CLCA2: variants seen among roughly 807,000 people sequenced by gnomAD.
CLCA2 encodes the protein chloride channel accessory 2, also known as calcium-activated chloride channel regulator 2.
A neutral mutation model predicts 82.9 loss-of-function variants in CLCA2; 85 were observed. That is an observed-to-expected ratio of 1.03 (90% CI 0.86 to 1.23). The LOEUF (loss-of-function observed/expected upper bound fraction) is 1.23. CLCA2 is among the 50% of genes most tolerant of loss of function. The pLI is 0.00. For missense variants in CLCA2, 1,089 were observed against 1,124.8 expected (o/e 0.97, Z 0.45); for synonymous variants, 421 against 391.7 (o/e 1.07, Z -0.88).
intron 9 of CLCA2, among the ~76,000 whole-genome samples, chr1:86,442,980 A>C (rs12096784): frequency 0.093 from 14,209 of 152,252 alleles, 749 homozygotes; most frequent in Middle Eastern, 0.16. Context: ...TACTCTGTAC[A>C]TGTTACACAT....
At chr1:86,443,287 C>A (rs1344181042) in intron 9 of CLCA2, among the ~76,000 whole-genome samples, 1 of 152,158 alleles carries the variant, frequency 6.6e-6, no homozygotes, top group South Asian at 2.1e-4. Context: ...CCTTGGCCTC[C>A]CAAAGTGCTG....
At chr1:86,426,286 A>G (rs888232667) in intron 2 of CLCA2, among the ~76,000 whole-genome samples, 6 of 152,152 alleles carry the variant, frequency 3.9e-5, no homozygotes, top group African/African-American at 1.4e-4. Flanking sequence ...TGGGTTTGAG[A>G]TTGTAACTAC....
rs981552361 is a variant in CLCA2 at position 86,434,565 on chromosome 1, C to A, written c.792C>A (p.Asn264Lys). ...GTACCCACAACCAAGAAGCACCAAA[C>A]CTACAGAACCAGATGTGCAGCCTCA... ...NASTHNQEAP[N>K]LQNQMCSLRS... The change falls in exon 6 of 14, where the codon AAC (asparagine) becomes AAA (lysine). Residue 264 changes from asparagine to lysine, a missense_variant. Physicochemically the swap from Asn to Lys is moderately conservative, Grantham distance 94. Transcript: ENST00000370565. 2 of 1,614,066 alleles carry A rather than the reference C, an allele frequency of 1.2e-6. No individual in the cohort carries two copies. The highest frequency in any genetic ancestry group is 2.7e-5 in the African/African-American group (2 of 75,014).
intron 13 of CLCA2, among the ~76,000 whole-genome samples, chr1:86,454,195 C>T (rs758267035): frequency 1.6e-4 from 25 of 152,148 alleles, no homozygotes; most frequent in Admixed American, 2.6e-4. Context: ...ATTTTTTACC[C>T]AATTTCCACA....
intron 2 of CLCA2, among the ~76,000 whole-genome samples, chr1:86,426,747 T>C (rs534323855): frequency 1.3e-5 from 2 of 152,318 alleles, no homozygotes; most frequent in African/African-American, 2.4e-5. Context: ...TTTGAATGTC[T>C]ATTTGCCTCC....
At chr1:86,450,317 A>T (rs1268966111) in intron 11 of CLCA2, among the ~76,000 whole-genome samples, 1 of 152,192 alleles carries the variant, frequency 6.6e-6, no homozygotes, top group Non-Finnish European at 1.5e-5. Context: ...GTGATGATTA[A>T]ATGTTTTATT....
At chr1:86,444,120 T>A in intron 10 of CLCA2, 109 bp downstream of exon 10, 1 of 732,384 alleles carries the variant, frequency 1.4e-6, no homozygotes, top group Non-Finnish European at 2.2e-6. Context: ...TTTTAATATA[T>A]CAAAAGTTTA....
At chr1:86,451,585 C>T (rs1017309029) in intron 12 of CLCA2, among the ~76,000 whole-genome samples, 6 of 152,108 alleles carry the variant, frequency 3.9e-5, no homozygotes, top group East Asian at 1.9e-4. Context: ...TGATTACCTC[C>T]TATTTTCTGG....
chr1:86,425,820 T>C (rs1002311431), intron 2 of CLCA2, among the ~76,000 whole-genome samples: 1 of 152,196 alleles, frequency 6.6e-6, no homozygotes, highest in African/African-American at 2.4e-5. Context: ...ATTATGACTA[T>C]ACCCATTTAC....
Position 86,434,474 on chromosome 1 carries a change from T to G in CLCA2, c.745-44T>G, listed in dbSNP as rs1424561660. 4 of 1,509,786 alleles carry G rather than the reference T, an allele frequency of 2.6e-6. No homozygotes were observed. In the South Asian group the frequency reaches 4.5e-5, roughly 17 times the overall value. 93.5% of individuals were successfully genotyped at this position (1,509,786 alleles called of 1,614,324 possible). On this transcript the variant is annotated intron_variant, in intron 5 of 13. Coordinates refer to ENST00000370565, the MANE Select transcript of CLCA2 (RefSeq NM_006536.7). ...TTGAGAATGAGAACTATGTTTGCTTTGGGAGAAGTGCCTCTCTTTATTAAA... is the reference window on the plus strand; with the variant it reads ...TTGAGAATGAGAACTATGTTTGCTTGGGGAGAAGTGCCTCTCTTTATTAAA...
rs1558106125 is a variant in CLCA2, at chr1:86,434,571, G to C, written c.798G>C (p.Gln266His). ...STHNQEAPNL[Q>H]NQMCSLRSAW... is the part of the protein sequence containing the mutation. ...ACAACCAAGAAGCACCAAACCTACAGAACCAGATGTGCAGCCTCAGAAGTG... is the reference window on the plus strand; with the variant it reads ...ACAACCAAGAAGCACCAAACCTACACAACCAGATGTGCAGCCTCAGAAGTG... Residue 266 changes from glutamine to histidine, a missense_variant, in exon 6 of 14, where the codon CAG becomes CAC. Physicochemically the swap from Gln to His is conservative, Grantham distance 24 (BLOSUM62 0). Transcript: ENST00000370565. 1.1e-5 allele frequency: 17 copies of C among 1,614,102 alleles called. No individual in the cohort carries two copies. The highest frequency in any genetic ancestry group is 1.4e-5 in the Non-Finnish European group (16 of 1,180,012).
Position 86,455,555 on chromosome 1 carries a change from A to C in CLCA2, c.*28A>C. 2 of 1,412,642 alleles carry C rather than the reference A, an allele frequency of 1.4e-6. No individual in the cohort carries two copies. Among genetic ancestry groups the C allele is most frequent in the Non-Finnish European group, 1.9e-6 (2 of 1,068,898 alleles). The allele number at this position is 1,412,642 out of a possible 1,614,324, so 87.5% of individuals were successfully genotyped here. A position where few individuals can be genotyped will look rare whatever the true frequency, so the allele number is the denominator to read the frequency against. On this transcript the variant is annotated 3_prime_UTR_variant, in exon 14 of 14. Coordinates refer to ENST00000370565, the MANE Select transcript of CLCA2 (RefSeq NM_006536.7). The stretch of plus-strand genomic sequence containing the variant: ...AAATATCCAAAGTGTCTTCCTTCTT[A>C]GATATAAGACCCATGGCCTTCGACT...
Position 86,444,043 on chromosome 1 carries a change from C to T in CLCA2, c.1713+32C>T, listed in dbSNP as rs144302391. 1.5e-3 allele frequency: 2,057 copies of T among 1,383,810 alleles called. 18 individuals carry two copies. In the East Asian group the frequency reaches 0.016, roughly 11 times the overall value. 85.7% of individuals were successfully genotyped at this position (1,383,810 alleles called of 1,614,324 possible). ...GTTGTGAGTTTGTTCCTAAGGACAACGTTCAACCAAGTTTATGATTTTCAG... is the reference window on the plus strand; with the variant it reads ...GTTGTGAGTTTGTTCCTAAGGACAATGTTCAACCAAGTTTATGATTTTCAG... On this transcript the variant is annotated intron_variant, in intron 10 of 13. Coordinates refer to ENST00000370565, the MANE Select transcript of CLCA2 (RefSeq NM_006536.7).
intron 10 of CLCA2, among the ~76,000 whole-genome samples, chr1:86,445,757 C>A: frequency 6.6e-6 from 1 of 151,994 alleles, no homozygotes; most frequent in Non-Finnish European, 1.5e-5. Context: ...ATTCCTAATA[C>A]CAACCATCTT....
intron 3 of CLCA2, among the ~76,000 whole-genome samples, chr1:86,430,407 T>A (rs989289996): frequency 6.6e-6 from 1 of 152,182 alleles, no homozygotes; most frequent in Admixed American, 6.5e-5. Flanking sequence ...GATAGAAGAA[T>A]TACCTGCAAG....
chr1:86,431,923 GTTGT>G (rs889433695), intron 4 of CLCA2, among the ~76,000 whole-genome samples: 2 of 151,960 alleles, frequency 1.3e-5, no homozygotes, highest in African/African-American at 2.4e-5. Context: ...GTTTGTTTTT[GTTGT>G]TTGTTTGTTT....
intron 11 of CLCA2, 122 bp from the exon 12 acceptor site, chr1:86,450,441 A>G (rs1198139616): frequency 2.9e-6 from 2 of 678,154 alleles, no homozygotes; most frequent in Admixed American, 3.7e-5. Flanking sequence ...AAAAGTAGAT[A>G]AGAGCATGAT....
chr1:86,427,594 A>G (rs1662414338), intron 2 of CLCA2, among the ~76,000 whole-genome samples: 1 of 151,840 alleles, frequency 6.6e-6, no homozygotes, highest in South Asian at 2.1e-4. Flanking sequence ...TACATATTGT[A>G]CATAGAGTGA....
intron 6 of CLCA2, among the ~76,000 whole-genome samples, chr1:86,437,142 A>G (rs951796767): frequency 5.3e-5 from 8 of 152,230 alleles, no homozygotes; most frequent in Non-Finnish European, 1.0e-4. Context: ...GTAGAAGAGA[A>G]ATAAGCCCAA....
Sources: allele counts gnomAD v4.1 joint callset (sites outside exome capture counted in the v4.1 genomes callset), GRCh38; gene constraint gnomAD v4.1.1; transcripts MANE v1.5; gene names NCBI Gene and HGNC (gene_info 2026-07-23, HGNC 2026-07-21).